KCNMA1: variants seen among roughly 807,000 people sequenced by gnomAD.
The protein encoded by KCNMA1 is potassium calcium-activated channel subfamily M alpha 1.
A neutral mutation model predicts 140.0 loss-of-function variants in KCNMA1; 29 were observed. That is an observed-to-expected ratio of 0.21 (90% CI 0.15 to 0.28). KCNMA1 has a LOEUF of 0.28. KCNMA1 is among the 10% of genes least tolerant of loss of function. KCNMA1 has a pLI of 1.00. For synonymous variants in KCNMA1, 612 were observed against 611.9 expected, an observed-to-expected ratio of 1.00 and a Z score of 0.00; for missense variants, 880 against 1,602.2, an observed-to-expected ratio of 0.55 and a Z score of 7.70.
At chr10:76,972,601 T>C (rs1039416271) in intron 19 of KCNMA1, among the ~76,000 whole-genome samples, 1 of 152,242 alleles carries the variant, frequency 6.6e-6, no homozygotes, top group African/African-American at 2.4e-5. Context: ...ATGCCTCTTC[T>C]ATGCAAAGAA....
chr10:77,601,716 C>T (rs1389969621), intron 1 of KCNMA1, among the ~76,000 whole-genome samples: 2 of 152,178 alleles, frequency 1.3e-5, no homozygotes, highest in Non-Finnish European at 1.5e-5. Context: ...TCTCCTCTCC[C>T]CGGGCCCTGG....
chr10:77,450,443 A>G (rs2097621321), intron 1 of KCNMA1, among the ~76,000 whole-genome samples: 1 of 152,160 alleles, frequency 6.6e-6, no homozygotes, highest in Admixed American at 6.5e-5. Context: ...TATATTAACC[A>G]ATCTAAGTTT....
At chr10:77,503,472 C>G (rs148008832) in intron 1 of KCNMA1, among the ~76,000 whole-genome samples, 1 of 152,120 alleles carries the variant, frequency 6.6e-6, no homozygotes, top group African/African-American at 2.4e-5. Flanking sequence ...CTAGGGCATT[C>G]TATGAAGCCA....
At chr10:76,877,875 G>C (rs768582532) in exon 30 of KCNMA1, 2 of 1,610,508 alleles carry the variant, frequency 1.2e-6, no homozygotes, top group East Asian at 2.2e-5. Context: ...CGGTTCATCT[G>C]TAAACCATTT....
chr10:77,390,619 A>T (rs2154442565), intron 2 of KCNMA1, among the ~76,000 whole-genome samples: 1 of 152,350 alleles, frequency 6.6e-6, no homozygotes, highest in Non-Finnish European at 1.5e-5. Context: ...CAGAGGCTCT[A>T]TCAGTGCCTG....
intron 23 of KCNMA1, among the ~76,000 whole-genome samples, chr10:76,944,177 C>T (rs1224868566): frequency 6.6e-6 from 1 of 152,176 alleles, no homozygotes; most frequent in East Asian, 1.9e-4. Context: ...GGTCCCAAAG[C>T]AAATGACAGG....
intron 1 of KCNMA1, among the ~76,000 whole-genome samples, chr10:77,405,375 T>A (rs1220303720): frequency 6.6e-6 from 1 of 152,236 alleles, no homozygotes; most frequent in Non-Finnish European, 1.5e-5. Context: ...GCAGCCTTGG[T>A]GCCTAATAGA....
intron 2 of KCNMA1, among the ~76,000 whole-genome samples, chr10:77,319,721 G>C (rs2081836760): frequency 6.6e-6 from 1 of 152,214 alleles, no homozygotes; most frequent in Non-Finnish European, 1.5e-5. Context: ...CTTCTGGATG[G>C]AAGCTCTTAG....
chr10:77,357,638 T>A (rs2093609492), intron 2 of KCNMA1, among the ~76,000 whole-genome samples: 1 of 152,242 alleles, frequency 6.6e-6, no homozygotes, highest in Non-Finnish European at 1.5e-5. Context: ...ATTTAAAAAA[T>A]TAAATTTCCC....
At chr10:76,909,069 C>G (rs2048963103) in intron 25 of KCNMA1, among the ~76,000 whole-genome samples, 1 of 152,196 alleles carries the variant, frequency 6.6e-6, no homozygotes, top group Non-Finnish European at 1.5e-5. Flanking sequence ...AGCCCACTGT[C>G]CTCTCTCTGC....
chr10:77,636,155 C>G (rs2093699770), intron 1 of KCNMA1: 2 of 1,376,560 alleles, frequency 1.5e-6, no homozygotes, highest in African/African-American at 2.9e-5. Flanking sequence ...GTGAAGTCCC[C>G]TAGGATGGGA....
At chr10:77,227,893 T>G (rs766379827) in intron 3 of KCNMA1, among the ~76,000 whole-genome samples, 2 of 152,066 alleles carry the variant, frequency 1.3e-5, no homozygotes, top group Non-Finnish European at 2.9e-5. Flanking sequence ...CCCTGTAAGA[T>G]GTTATGAGGA....
chr10:77,452,555 G>C (rs1413649695), intron 1 of KCNMA1, among the ~76,000 whole-genome samples: 3 of 152,210 alleles, frequency 2.0e-5, no homozygotes, highest in African/African-American at 7.2e-5. Context: ...CGCAAAAAAA[G>C]TCCTTTCATG....
chr10:77,528,834 C>A (rs979016025), intron 1 of KCNMA1, among the ~76,000 whole-genome samples: 2 of 152,052 alleles, frequency 1.3e-5, no homozygotes, highest in Admixed American at 1.3e-4. Flanking sequence ...GTGGAAGAAG[C>A]CGGACACAAA....
chr10:76,952,244 G>A, intron 21 of KCNMA1: 1 of 1,443,916 alleles, frequency 6.9e-7, no homozygotes, highest in African/African-American at 1.4e-5. Flanking sequence ...TATATGGCTG[G>A]GTGCAGTGAC....
At chr10:77,249,947 G>A (rs921482723) in intron 3 of KCNMA1, 1 of 152,290 alleles carries the variant, frequency 6.6e-6, no homozygotes. Context: ...CGCATGTGGG[G>A]TGGGCTGAAG....
chr10:77,550,816 G>C (rs1170030199), intron 1 of KCNMA1, among the ~76,000 whole-genome samples: 1 of 152,128 alleles, frequency 6.6e-6, no homozygotes, highest in Non-Finnish European at 1.5e-5. Context: ...TGTCCAGGTG[G>C]GGGGCTATTT....
At chr10:77,162,475 G>A (rs1041968546) in intron 5 of KCNMA1, among the ~76,000 whole-genome samples, 19 of 152,080 alleles carry the variant, frequency 1.2e-4, no homozygotes, top group African/African-American at 4.3e-4. Context: ...TTTCTATTTT[G>A]ATTAATATTT....
chr10:77,130,886 A>G (rs751640978), intron 5 of KCNMA1, among the ~76,000 whole-genome samples: 1 of 152,176 alleles, frequency 6.6e-6, no homozygotes, highest in Non-Finnish European at 1.5e-5. Context: ...ATACACACAC[A>G]TATGTCTATC....
Sources: allele counts gnomAD v4.1 joint callset (sites outside exome capture counted in the v4.1 genomes callset), GRCh38; gene constraint gnomAD v4.1.1; transcripts MANE v1.5; gene names NCBI Gene and HGNC (gene_info 2026-07-23, HGNC 2026-07-21).